Variants in VAMP7 observed in about 807,000 individuals in gnomAD.
VAMP7 encodes vesicle associated membrane protein 7, also known as vesicle-associated membrane protein 7.
A neutral mutation model predicts 29.6 loss-of-function variants in VAMP7; 14 were observed. That is an observed-to-expected ratio of 0.47 (90% confidence interval 0.31 to 0.74). The LOEUF is 0.74. Ranked by LOEUF, VAMP7 falls within the 30% of genes least tolerant of loss-of-function variation. VAMP7 has a pLI of 0.05. For missense variants in VAMP7, 223 were observed against 262.4 expected, an observed-to-expected ratio of 0.85 and a Z score of 1.04; for synonymous variants, 95 against 88.1, an observed-to-expected ratio of 1.08 and a Z score of -0.44.
chrX:155,920,728 A>G (rs2066382898), intron 6 of VAMP7, among the ~76,000 whole-genome samples: 1 of 152,176 alleles, frequency 6.6e-6, no homozygotes, highest in South Asian at 2.1e-4. Flanking sequence ...ATGAAGATGT[A>G]CCCACTTCAG....
chrX:155,918,974 T>C (rs190636796), intron 5 of VAMP7, among the ~76,000 whole-genome samples: 48 of 152,316 alleles, frequency 3.2e-4, no homozygotes, highest in African/African-American at 1.1e-3. Flanking sequence ...ATGTTTGATT[T>C]GGTTTGCTAG....
chrX:155,887,798 G>T (rs140507064), intron 1 of VAMP7, among the ~76,000 whole-genome samples: 1 of 152,078 alleles, frequency 6.6e-6, no homozygotes, highest in African/African-American at 2.4e-5. Context: ...GGACATGGTG[G>T]CACACACCTG....
chrX:155,882,027 C>G (rs1242344901), intron 1 of VAMP7, among the ~76,000 whole-genome samples: 2 of 152,142 alleles, frequency 1.3e-5, no homozygotes, highest in Non-Finnish European at 2.9e-5. Flanking sequence ...TTGGTAAATG[C>G]TTTACATCTC....
At chrX:155,900,971 C>A (rs947530800) in intron 5 of VAMP7, among the ~76,000 whole-genome samples, 2 of 151,986 alleles carry the variant, frequency 1.3e-5, no homozygotes. Flanking sequence ...TGTTTTGCAA[C>A]CAGATAAGGA....
At chrX:155,905,025 C>T (rs1039090960) in intron 5 of VAMP7, among the ~76,000 whole-genome samples, 2 of 151,626 alleles carry the variant, frequency 1.3e-5, no homozygotes, top group Admixed American at 6.6e-5. Context: ...AAAGTGACTG[C>T]ACCTTTATAC....
chrX:155,930,995 A>C (rs1180057125), intron 6 of VAMP7, among the ~76,000 whole-genome samples: 1 of 152,072 alleles, frequency 6.6e-6, no homozygotes, highest in African/African-American at 2.4e-5. Context: ...TTTGCTGAGA[A>C]TGATGGTTTC....
At chrX:155,915,285 C>T (rs1225639787) in intron 5 of VAMP7, among the ~76,000 whole-genome samples, 1 of 152,048 alleles carries the variant, frequency 6.6e-6, no homozygotes, top group Non-Finnish European at 1.5e-5. Context: ...AGCAGTCTAT[C>T]AATTTTGTTA....
rs2065997708 is a variant in VAMP7, at chrX:155,897,065, T to G, written c.205-1047T>G. Among the ~76,000 whole-genome samples the G allele has an allele frequency of 1.3e-5, 2 of 152,018 alleles. 1 individual carries two copies. The highest frequency in any genetic ancestry group is 1.3e-4 in the Admixed American group (2 of 15,260). ...TCATAGGTCTAATAACTAATAGTCT[T>G]GATGTGATGGGTGTTGACAGTATTT... On this transcript the variant is annotated intron_variant, in intron 3 of 7. Transcript: ENST00000286448.
intron 6 of VAMP7, among the ~76,000 whole-genome samples, chrX:155,927,627 G>A (rs757421639): frequency 2.0e-5 from 3 of 151,750 alleles, no homozygotes; most frequent in East Asian, 1.9e-4. Context: ...GCTTCAAACT[G>A]AAGAAGTTCT....
rs2066779519 is a variant in VAMP7, at chrX:155,943,655, T to G, written c.*1704T>G. ...TTGATGTGCATGTTTTAGGGATCAA[T>G]TACCTAACTGTTCCTTGGTCTATTT... On this transcript the variant is annotated 3_prime_UTR_variant, in exon 8 of 8. Coordinates refer to ENST00000286448, the MANE Select transcript of VAMP7 (RefSeq NM_005638.6). 1 of 152,202 alleles carries G rather than the reference T, an allele frequency of 6.6e-6. No homozygotes were observed. Among genetic ancestry groups the G allele is most frequent in the Non-Finnish European group, 1.5e-5 (1 of 68,028 alleles). 9.4% of individuals were successfully genotyped at this position (152,202 alleles called of 1,614,324 possible).
At position 155,884,592 on chromosome X, in the gene VAMP7, C is replaced by G. The variant is rs147287138; in HGVS notation, c.-10+3144C>G. Among the ~76,000 whole-genome samples, 1,137 of 152,318 alleles carry G rather than the reference C, an allele frequency of 7.5e-3. 4 individuals carry two copies. Among genetic ancestry groups the G allele is most frequent in the Middle Eastern group, 0.014 (4 of 294 alleles). ...CCAACCTAAGATCAGCCAGATACTT[C>G]TAAGATGTAAACATTAAGCATTGTT... On this transcript the variant is annotated intron_variant, in intron 1 of 7. Coordinates refer to ENST00000286448, the MANE Select transcript of VAMP7 (RefSeq NM_005638.6).
intron 2 of VAMP7, among the ~76,000 whole-genome samples, chrX:155,892,583 T>C (rs916366297): frequency 6.6e-6 from 1 of 152,154 alleles, no homozygotes; most frequent in Non-Finnish European, 1.5e-5. Flanking sequence ...ATTTATCTAC[T>C]TAATTTTTTA....
Position 155,939,697 on chromosome X carries a change from C to T in VAMP7, c.502-4C>T. ...GGGTTAAACAATTCTCGCCTCTTTT[C>T]TAGTCTGTCACCTTCAAAACTACCA... On this transcript the variant is annotated splice_region_variant and splice_polypyrimidine_tract_variant and intron_variant, in intron 6 of 7. Transcript: ENST00000286448. The T allele has an allele frequency of 1.2e-6, 2 of 1,612,738 alleles. No homozygotes were observed. The highest frequency in any genetic ancestry group is 1.7e-6 in the Non-Finnish European group (2 of 1,178,838).
intron 6 of VAMP7, among the ~76,000 whole-genome samples, chrX:155,924,844 C>T (rs745991297): frequency 6.6e-6 from 1 of 152,158 alleles, no homozygotes; most frequent in African/African-American, 2.4e-5. Context: ...GGCAATAGAA[C>T]TTCTTTCAAA....
Position 155,898,175 on chromosome X carries a change from T to TA in VAMP7, c.269dup (p.Tyr90Ter). 6.2e-7 allele frequency: 1 copy of TA among 1,613,634 alleles called. No individual in the cohort carries two copies. Among genetic ancestry groups the TA allele is most frequent in the Non-Finnish European group, 8.5e-7 (1 of 1,179,664 alleles). ...NEIKKRFQTTYGSRAQTALPY... is the reference protein window; with the variant it reads ...NEIKKRFQTT The stretch of plus-strand genomic sequence containing the variant: ...GATAAAGAAGAGGTTCCAGACTACT[T>TA]ACGGTTCAAGAGCACAGACAGCACT... Residue 90 changes from tyrosine (Y) to a stop codon, truncating the protein, a stop_gained and frameshift_variant, in exon 4 of 8, where the codon TAC becomes TAAC. Coordinates refer to ENST00000286448, the MANE Select transcript of VAMP7 (RefSeq NM_005638.6). LOFTEE classifies it high-confidence loss of function.
intron 2 of VAMP7, 90 bp downstream of exon 2, chrX:155,889,702 A>C: frequency 7.1e-7 from 1 of 1,411,220 alleles, no homozygotes; most frequent in African/African-American, 1.4e-5. Context: ...ACAAGCTTCT[A>C]GGTACATAAT....
At chrX:155,893,506 T>C (rs1044956121) in intron 2 of VAMP7, among the ~76,000 whole-genome samples, 20 of 152,342 alleles carry the variant, frequency 1.3e-4, no homozygotes, top group African/African-American at 4.8e-4. Context: ...CTTGGGCTGC[T>C]ATAACAAAAT....
intron 5 of VAMP7, among the ~76,000 whole-genome samples, chrX:155,900,793 C>G (rs2066051047): frequency 6.6e-6 from 1 of 152,096 alleles, no homozygotes; most frequent in South Asian, 2.1e-4. Flanking sequence ...TCTAAATTTA[C>G]TAGTTTGCTT....
At chrX:155,899,491 T>C (rs1180440901) in intron 4 of VAMP7, among the ~76,000 whole-genome samples, 4 of 152,026 alleles carry the variant, frequency 2.6e-5, no homozygotes, top group Non-Finnish European at 5.9e-5. Flanking sequence ...TGGAATACTT[T>C]CACTTCTCCT....
Sources: allele counts gnomAD v4.1 joint callset (sites outside exome capture counted in the v4.1 genomes callset), GRCh38; gene constraint gnomAD v4.1.1; transcripts MANE v1.5; gene names NCBI Gene and HGNC (gene_info 2026-07-23, HGNC 2026-07-21).